Variants in GRIP1 observed in about 807,000 individuals in gnomAD.
GRIP1 encodes the protein glutamate receptor interacting protein 1, also known as glutamate receptor-interacting protein 1.
Under a neutral mutation model 129.9 loss-of-function variants are expected in GRIP1, and 45 were observed. The observed-to-expected ratio is 0.35, with a 90% CI of 0.27 to 0.44. GRIP1 has a LOEUF of 0.44. GRIP1 is among the 20% of genes least tolerant of loss of function. The pLI is 1.00. For missense variants in GRIP1, 1,196 were observed against 1,396.8 expected (o/e 0.86, Z 2.29); for synonymous variants, 530 against 520.8 (o/e 1.02, Z -0.24).
At chr12:66,461,176 C>A (rs1216016171) in intron 9 of GRIP1, among the ~76,000 whole-genome samples, 1 of 144,310 alleles carries the variant, frequency 6.9e-6, no homozygotes, top group Non-Finnish European at 1.5e-5. Flanking sequence ...ATTTAATATT[C>A]CATGAGTTGA....
chr12:66,433,551 A>G (rs1370747758), intron 13 of GRIP1, among the ~76,000 whole-genome samples: 1 of 152,230 alleles, frequency 6.6e-6, no homozygotes, highest in Non-Finnish European at 1.5e-5. Context: ...CGCAGGACAG[A>G]GCTAAGCTGA....
intron 19 of GRIP1, among the ~76,000 whole-genome samples, chr12:66,385,387 T>C (rs2056309752): frequency 6.6e-6 from 1 of 151,438 alleles, no homozygotes; most frequent in South Asian, 2.1e-4. Flanking sequence ...AACATAAAAA[T>C]TAGCTGGGCG....
intron 2 of GRIP1, among the ~76,000 whole-genome samples, chr12:66,583,910 A>C: frequency 1.5e-5 from 2 of 136,162 alleles, no homozygotes; most frequent in African/African-American, 2.7e-5. Context: ...ATTACTGGGT[A>C]TATACCCAAA....
chr12:66,493,006 A>AAAACAAACAAAC (rs148165279), intron 7 of GRIP1, among the ~76,000 whole-genome samples: 91,485 of 151,046 alleles, frequency 0.61, 28,433 homozygotes, highest in Middle Eastern at 0.75. Context: ...ACTCTGTCTC[A>AAAACAAACAAAC]AAACAAACAA....
intron 1 of GRIP1, among the ~76,000 whole-genome samples, chr12:66,698,535 T>C (rs2035241735): frequency 6.6e-6 from 1 of 152,204 alleles, no homozygotes; most frequent in African/African-American, 2.4e-5. Flanking sequence ...CTATTTCCTA[T>C]TTGTCAGTTT....
intron 1 of GRIP1, among the ~76,000 whole-genome samples, chr12:66,963,216 G>C (rs570410578): frequency 6.6e-6 from 1 of 152,282 alleles, no homozygotes; most frequent in Admixed American, 6.5e-5. Flanking sequence ...TTGGGAGGCT[G>C]AGATGGGAGG....
intron 1 of GRIP1, among the ~76,000 whole-genome samples, chr12:66,738,996 A>G (rs971464277): frequency 6.6e-6 from 1 of 152,154 alleles, no homozygotes; most frequent in Non-Finnish European, 1.5e-5. Context: ...CTTGACTTGG[A>G]GAGCCTTATA....
intron 1 of GRIP1, among the ~76,000 whole-genome samples, chr12:66,864,181 C>A (rs1447086201): frequency 6.6e-6 from 1 of 151,964 alleles, no homozygotes; most frequent in Non-Finnish European, 1.5e-5. Context: ...TGATGATACT[C>A]AATTTTTTTT....
upstream of GRIP1, among the ~76,000 whole-genome samples, chr12:66,682,793 C>T (rs1022661153): frequency 3.3e-5 from 5 of 152,094 alleles, no homozygotes; most frequent in Admixed American, 2.0e-4. Context: ...AGGTTAATCC[C>T]ACAAATACTC....
At chr12:66,486,800 T>C (rs55922907) in intron 7 of GRIP1, among the ~76,000 whole-genome samples, 110,993 of 151,606 alleles carry the variant, frequency 0.73, 41,855 homozygotes, top group African/African-American at 0.91. Context: ...CAATTTTTTT[T>C]TTTTTTTTGA....
rs140667683 is a variant in GRIP1, at chr12:66,588,862, G to A, written c.136+7985C>T. On this transcript the variant is annotated intron_variant, in intron 2 of 24. Transcript: ENST00000359742. ...TGTACGTCTGTAATCCCAGCTACTC[G>A]GGAGGCTGAGGCAGGAGAATCGCTT... 3.5e-3 allele frequency among the ~76,000 whole-genome samples: 527 copies of A among 151,814 alleles called. 1 individual carries two copies. Among genetic ancestry groups the A allele is most frequent in the Middle Eastern group, 6.8e-3 (2 of 294 alleles).
Position 66,349,206 on chromosome 12 carries a change from AC to A in GRIP1, c.3199del (p.Val1067LeufsTer5). Reference sequence around the variant, plus strand: ...CCCGGATTCTGCTATGAGGGGCACAACAAGGCAGCAGTCAAAGTCTCTGGTT... The same window carrying A: ...CCCGGATTCTGCTATGAGGGGCACAAAAGGCAGCAGTCAAAGTCTCTGGTT... ...VRTRDFDCCL[V>X]VPLIAESGNK... On this transcript the variant is annotated frameshift_variant, in exon 25 of 25. Transcript: ENST00000359742. LOFTEE classifies it high-confidence loss of function. 6.2e-7 allele frequency: 1 copy of A among 1,614,142 alleles called. No homozygotes were observed. The highest frequency in any genetic ancestry group is 8.5e-7 in the Non-Finnish European group (1 of 1,179,978).
At chr12:66,769,953 G>T (rs975608665) in intron 1 of GRIP1, among the ~76,000 whole-genome samples, 4 of 152,140 alleles carry the variant, frequency 2.6e-5, no homozygotes, top group African/African-American at 9.7e-5. Flanking sequence ...TAACTTGTTT[G>T]AAGGACAACT....
intron 1 of GRIP1, among the ~76,000 whole-genome samples, chr12:66,777,672 A>G (rs1381012356): frequency 6.6e-6 from 1 of 152,186 alleles, no homozygotes; most frequent in Non-Finnish European, 1.5e-5. Flanking sequence ...CATTTGTTGA[A>G]TTGAATGGAC....
At chr12:66,541,734 G>T in intron 3 of GRIP1, 81 bp downstream of exon 3, 2 of 1,409,894 alleles carry the variant, frequency 1.4e-6, no homozygotes, top group South Asian at 1.2e-5. Context: ...ATTTATTAGT[G>T]ACCACTTTTG....
At chr12:66,386,524 C>A (rs1347633087) in intron 19 of GRIP1, among the ~76,000 whole-genome samples, 1 of 152,078 alleles carries the variant, frequency 6.6e-6, no homozygotes, top group Non-Finnish European at 1.5e-5. Flanking sequence ...GTCCCAGCTA[C>A]TCGGGAGGCT....
At chr12:66,610,158 T>C (rs948610068) in intron 1 of GRIP1, among the ~76,000 whole-genome samples, 4 of 152,148 alleles carry the variant, frequency 2.6e-5, no homozygotes, top group African/African-American at 4.8e-5. Context: ...TTAAAGTTTC[T>C]ATATCAGTTG....
rs115424983 is a variant in GRIP1 at position 66,382,047 on chromosome 12, G to A, written c.2465-2611C>T. 4.5e-3 allele frequency among the ~76,000 whole-genome samples: 688 copies of A among 152,156 alleles called. 4 individuals are homozygous for A. Among genetic ancestry groups the A allele is most frequent in the African/African-American group, 0.014 (588 of 41,512 alleles). ...TTGAGACCAGCCTGGGCAATAATCC[G>A]TCTCTACAAAGAAAAAAAAGACAAA... On this transcript the variant is annotated intron_variant, in intron 19 of 24. Transcript: ENST00000359742.
chr12:66,690,041 C>T (rs1350563071), intron 1 of GRIP1, among the ~76,000 whole-genome samples: 1 of 152,024 alleles, frequency 6.6e-6, no homozygotes, highest in East Asian at 1.9e-4. Flanking sequence ...GCCTCAGCCT[C>T]CTGAGTAGCT....
Sources: allele counts gnomAD v4.1 joint callset (sites outside exome capture counted in the v4.1 genomes callset), GRCh38; gene constraint gnomAD v4.1.1; transcripts MANE v1.5; gene names NCBI Gene and HGNC (gene_info 2026-07-23, HGNC 2026-07-21).